DNAH5: variants seen among roughly 807,000 people sequenced by gnomAD.
The protein encoded by DNAH5 is dynein axonemal heavy chain 5, also known as axonemal beta dynein heavy chain 5.
In DNAH5, 372 loss-of-function variants were observed where a neutral mutation model predicts 518.2. The observed-to-expected ratio is 0.72, with a 90% CI of 0.66 to 0.78. DNAH5 has a LOEUF of 0.78. Among genes scored for constraint, DNAH5 ranks in the 30% least tolerant of loss-of-function variants. The pLI is 0.00. For synonymous variants in DNAH5, 2,039 were observed against 2,025.9 expected (o/e 1.01, Z -0.17); for missense variants, 5,523 against 5,687.0 (o/e 0.97, Z 0.93).
intron 1 of DNAH5, among the ~76,000 whole-genome samples, chr5:13,987,324 A>G (rs1783120214): frequency 6.6e-6 from 1 of 152,048 alleles, no homozygotes; most frequent in Admixed American, 6.5e-5. Flanking sequence ...CACTGAATAT[A>G]GTAGAGATGA....
intron 10 of DNAH5, 129 bp from the exon 11 acceptor site, chr5:13,914,087 T>TA (rs1776359462): frequency 6.4e-6 from 7 of 1,093,528 alleles, no homozygotes; most frequent in Admixed American, 2.5e-5. Context: ...CCTTTGCTTG[T>TA]ACTCACTCAT....
chr5:13,880,487 C>T (rs919376321), intron 21 of DNAH5, among the ~76,000 whole-genome samples: 18 of 151,926 alleles, frequency 1.2e-4, no homozygotes, highest in African/African-American at 4.3e-4. Flanking sequence ...ACAACTAGAG[C>T]TACACAAATT....
At chr5:13,779,928 T>TA (rs1428736929) in intron 53 of DNAH5, among the ~76,000 whole-genome samples, 2 of 152,334 alleles carry the variant, frequency 1.3e-5, no homozygotes, top group Non-Finnish European at 2.9e-5. Flanking sequence ...CTATTTTCTG[T>TA]ACATAAAATG....
Position 13,810,278 on chromosome 5 carries a change from T to A in DNAH5, c.7408-18A>T. ...CCTTGCTCCTGAGAAGGAAAGACACTTTTTTTTAATAACTTGATTCTGAAA... is the reference window on the plus strand; with the variant it reads ...CCTTGCTCCTGAGAAGGAAAGACACATTTTTTTAATAACTTGATTCTGAAA... On this transcript the variant is annotated intron_variant, in intron 44 of 78. Coordinates refer to ENST00000265104, the MANE Select transcript of DNAH5 (RefSeq NM_001369.3). The A allele has an allele frequency of 6.5e-7, 1 of 1,541,270 alleles. No homozygotes were observed. The highest frequency in any genetic ancestry group is 8.8e-7 in the Non-Finnish European group (1 of 1,138,938).
At chr5:13,746,436 T>C (rs1328484758) in intron 65 of DNAH5, among the ~76,000 whole-genome samples, 1 of 152,068 alleles carries the variant, frequency 6.6e-6, no homozygotes, top group Non-Finnish European at 1.5e-5. Context: ...TCTGAATGCA[T>C]GAAAGAGGGA....
intron 21 of DNAH5, among the ~76,000 whole-genome samples, chr5:13,877,680 T>C (rs915262867): frequency 6.6e-6 from 1 of 152,176 alleles, no homozygotes; most frequent in Non-Finnish European, 1.5e-5. Flanking sequence ...CTCCAGGCAC[T>C]GAACCAGAGA....
intron 55 of DNAH5, among the ~76,000 whole-genome samples, chr5:13,773,081 G>A (rs1753568661): frequency 6.6e-6 from 1 of 152,146 alleles, no homozygotes; most frequent in Admixed American, 6.6e-5. Flanking sequence ...TCTATTTATT[G>A]AAGAAAGAAA....
chr5:13,814,882 T>A (rs761323815), intron 42 of DNAH5, 36 bp from the exon 43 acceptor site: 3 of 1,604,764 alleles, frequency 1.9e-6, no homozygotes, highest in Non-Finnish European at 2.6e-6. Context: ...AAAAAATACA[T>A]ACACTCATGC....
At chr5:13,776,752 A>C in intron 54 of DNAH5, 46 bp from the exon 55 acceptor site, 1 of 1,594,886 alleles carries the variant, frequency 6.3e-7, no homozygotes, top group Non-Finnish European at 8.6e-7. Flanking sequence ...CACATAGGAA[A>C]ATAGATCAAA....
chr5:13,782,073 G>A (rs137865712), intron 52 of DNAH5, among the ~76,000 whole-genome samples: 20 of 152,226 alleles, frequency 1.3e-4, no homozygotes, highest in African/African-American at 4.8e-4. Flanking sequence ...TCCCCTTGAT[G>A]TTCTTTATAC....
chr5:13,801,722 G>T (rs1195323608), intron 47 of DNAH5, among the ~76,000 whole-genome samples: 1 of 152,034 alleles, frequency 6.6e-6, no homozygotes, highest in African/African-American at 2.4e-5. Context: ...ACTCCAGGGG[G>T]TTCCTCGTCA....
chr5:13,745,605 G>A (rs924125589), intron 65 of DNAH5, among the ~76,000 whole-genome samples: 1 of 151,986 alleles, frequency 6.6e-6, no homozygotes, highest in Non-Finnish European at 1.5e-5. Context: ...AATTTTTGGA[G>A]TCAAAGATTT....
rs201516828 is a variant in DNAH5, at chr5:13,847,313, A to G, written c.5115-2320T>C. On this transcript the variant is annotated intron_variant, in intron 31 of 78. Coordinates refer to ENST00000265104, the MANE Select transcript of DNAH5 (RefSeq NM_001369.3). Reference sequence around the variant, plus strand: ...ATCAAAAGACAGGGAAAGCTCAGTTAAAAAAAAAAGTGTGAACAATTTTAG... The same window carrying G: ...ATCAAAAGACAGGGAAAGCTCAGTTGAAAAAAAAAGTGTGAACAATTTTAG... Among the ~76,000 whole-genome samples, 423 of 99,436 alleles carry G rather than the reference A, an allele frequency of 4.3e-3. 1 individual carries two copies. Among genetic ancestry groups the G allele is most frequent in the African/African-American group, 0.023 (407 of 17,972 alleles). The allele number at this position is 99,436 out of a possible 152,430, so 65.2% of individuals were successfully genotyped here.
At chr5:13,829,377 A>C in intron 38 of DNAH5, 133 bp downstream of exon 38, 2 of 788,378 alleles carry the variant, frequency 2.5e-6, no homozygotes, top group East Asian at 2.7e-5. Flanking sequence ...TTTTGTAGTA[A>C]TACACCTTTC....
In DNAH5 at chr5:13,841,911, T is replaced by C. The variant is rs766520905; in HGVS notation, c.5272-7A>G. On this transcript the variant is annotated splice_polypyrimidine_tract_variant and splice_region_variant and intron_variant, in intron 32 of 78. Coordinates refer to ENST00000265104, the MANE Select transcript of DNAH5 (RefSeq NM_001369.3). Reference sequence around the variant, plus strand: ...ACAGAATTCGATCATAGATCTATGTTAGAAACCAAAAAAAAAAAAAAAAAA... The same window carrying C: ...ACAGAATTCGATCATAGATCTATGTCAGAAACCAAAAAAAAAAAAAAAAAA... 7 of 964,986 alleles carry C rather than the reference T, an allele frequency of 7.3e-6. No homozygotes were observed. In the African/African-American group the frequency reaches 1.9e-4, roughly 26 times the overall value. The allele number at this position is 964,986 out of a possible 1,614,324, so 59.8% of individuals were successfully genotyped here. A position where few individuals can be genotyped will look rare whatever the true frequency, so the allele number is the denominator to read the frequency against.
At chr5:13,994,316 A>G (rs1783776168) in intron 1 of DNAH5, among the ~76,000 whole-genome samples, 1 of 152,136 alleles carries the variant, frequency 6.6e-6, no homozygotes, top group Non-Finnish European at 1.5e-5. Context: ...TTCCTCCCCA[A>G]AAAGGAATTT....
At chr5:13,989,539 A>T (rs10059857) in intron 1 of DNAH5, among the ~76,000 whole-genome samples, 2 of 145,024 alleles carry the variant, frequency 1.4e-5, no homozygotes, top group Non-Finnish European at 3.0e-5. Flanking sequence ...GCTGGAGTGC[A>T]GTGGCGCGAT....
At chr5:13,859,014 T>C (rs2102155) in intron 30 of DNAH5, among the ~76,000 whole-genome samples, 9,321 of 152,186 alleles carry the variant, frequency 0.061, 303 homozygotes, top group African/African-American at 0.078. Flanking sequence ...TTTCTGCACA[T>C]TTCCACCCCT....
chr5:13,743,595 T>C (rs753235228), intron 65 of DNAH5, among the ~76,000 whole-genome samples: 170 of 150,724 alleles, frequency 1.1e-3, no homozygotes, highest in Non-Finnish European at 1.7e-3. Flanking sequence ...ATCCAGAACA[T>C]ACAAGGAACT....
Sources: allele counts gnomAD v4.1 joint callset (sites outside exome capture counted in the v4.1 genomes callset), GRCh38; gene constraint gnomAD v4.1.1; transcripts MANE v1.5; gene names NCBI Gene and HGNC (gene_info 2026-07-23, HGNC 2026-07-21).